Variants in IMPG1 observed in about 807,000 individuals in gnomAD.
The protein encoded by IMPG1 is interphotoreceptor matrix proteoglycan of 150 kDa.
In IMPG1, 85 loss-of-function variants were observed where a neutral mutation model predicts 92.0. The observed-to-expected ratio is 0.92, with a 90% CI of 0.78 to 1.11. IMPG1 has a LOEUF of 1.11. Among genes scored for constraint, IMPG1 ranks in the 50% least tolerant of loss-of-function variants. The pLI, the probability that IMPG1 is intolerant of heterozygous loss-of-function variation, is 0.00. For synonymous variants in IMPG1, 367 were observed against 334.1 expected (o/e 1.10, Z -1.08); for missense variants, 1,022 against 956.0 (o/e 1.07, Z -0.91).
At chr6:76,012,943 C>T (rs554739125) in intron 7 of IMPG1, among the ~76,000 whole-genome samples, 2 of 152,046 alleles carry the variant, frequency 1.3e-5, no homozygotes, top group South Asian at 2.1e-4. Flanking sequence ...TTCCCTCCCA[C>T]CCCCCACATG....
intron 2 of IMPG1, among the ~76,000 whole-genome samples, chr6:76,036,566 C>A (rs149317145): frequency 6.6e-6 from 1 of 151,976 alleles, no homozygotes; most frequent in Non-Finnish European, 1.5e-5. Flanking sequence ...CAAGAAACAA[C>A]GTAATTTTAA....
At chr6:76,047,403 C>A (rs1039626305) in intron 1 of IMPG1, among the ~76,000 whole-genome samples, 1 of 152,222 alleles carries the variant, frequency 6.6e-6, no homozygotes, top group African/African-American at 2.4e-5. Context: ...ATCTCTATGG[C>A]ATTCACTGAT....
At chr6:76,014,989 G>C (rs1783258793) in intron 7 of IMPG1, among the ~76,000 whole-genome samples, 1 of 152,174 alleles carries the variant, frequency 6.6e-6, no homozygotes, top group South Asian at 2.1e-4. Flanking sequence ...TAGTCATGGA[G>C]CACTAACCAC....
intron 2 of IMPG1, among the ~76,000 whole-genome samples, chr6:76,039,091 C>T (rs565723815): frequency 3.9e-5 from 6 of 152,202 alleles, no homozygotes; most frequent in Non-Finnish European, 8.8e-5. Context: ...TTTTCTTATC[C>T]GTACAACGGG....
chr6:75,961,191 A>G lies in IMPG1; in HGVS notation c.1292-10097T>C, dbSNP rs971716017. Among the ~76,000 whole-genome samples, 27 of 152,204 alleles carry G rather than the reference A, an allele frequency of 1.8e-4. 1 individual carries two copies. Among genetic ancestry groups the G allele is most frequent in the African/African-American group, 5.1e-4 (21 of 41,462 alleles). ...TAAATGCTACTAGAAAGGGTCACAT[A>G]TATATGCTGAACCATAAGCATCAAG... On this transcript the variant is annotated intron_variant, in intron 12 of 16. Transcript: ENST00000369950.
intron 12 of IMPG1, among the ~76,000 whole-genome samples, chr6:75,969,265 C>A (rs1047698073): frequency 6.6e-6 from 1 of 151,856 alleles, no homozygotes; most frequent in Non-Finnish European, 1.5e-5. Context: ...TTAATAGCAA[C>A]GTATTGTATT....
At chr6:75,923,069 A>G (rs894745513) in intron 16 of IMPG1, among the ~76,000 whole-genome samples, 10 of 152,118 alleles carry the variant, frequency 6.6e-5, no homozygotes, top group African/African-American at 2.2e-4. Flanking sequence ...TGTCAACTAT[A>G]TATAAATTGC....
At chr6:75,928,836 C>G (rs1469236266) in intron 15 of IMPG1, among the ~76,000 whole-genome samples, 1 of 152,174 alleles carries the variant, frequency 6.6e-6, no homozygotes, top group Non-Finnish European at 1.5e-5. Context: ...TATGGTTGAA[C>G]CTAATATACT....
At chr6:76,031,579 T>C (rs938372440) in intron 4 of IMPG1, among the ~76,000 whole-genome samples, 2 of 152,256 alleles carry the variant, frequency 1.3e-5, no homozygotes, top group African/African-American at 4.8e-5. Flanking sequence ...TGTTATTTTT[T>C]TCTGGTATTA....
In IMPG1 at chr6:75,947,371, C is replaced by G. The variant is rs1176864934; in HGVS notation, c.1987G>C (p.Ala663Pro). Residue 663 changes from alanine (A) to proline (P), a missense_variant, in exon 14 of 17, where the codon GCT (alanine) becomes CCT (proline). Coordinates refer to ENST00000369950, the MANE Select transcript of IMPG1 (RefSeq NM_001563.4). ...TCCAGATGGAGTTGTTGGGCTGCAG[C>G]AGAACGAAAATCCTCCAAGACCCCG... ...VHGVLEDFRS[A>P]AAQQLHLEID... 2 of 1,613,946 alleles carry G rather than the reference C, an allele frequency of 1.2e-6. No homozygotes were observed. Among genetic ancestry groups the G allele is most frequent in the Non-Finnish European group, 1.7e-6 (2 of 1,179,894 alleles).
intron 2 of IMPG1, among the ~76,000 whole-genome samples, chr6:76,038,549 C>CA (rs897362737): frequency 6.6e-6 from 1 of 152,138 alleles, no homozygotes; most frequent in Non-Finnish European, 1.5e-5. Context: ...GGGGAAGTAT[C>CA]AAAAAAACCC....
In IMPG1 at chr6:76,005,368, C is replaced by G; in HGVS notation, c.1054G>C (p.Ala352Pro). The change falls in exon 10 of 17, where the codon GCT becomes CCT. Residue 352 changes from alanine to proline, a missense_variant. Ala to Pro is a conservative substitution (Grantham distance 27). Transcript: ENST00000369950. ...CTGATCAGCCTTTTGAGGTCTGTAG[C>G]TGTGAGATAGATTTCTGGTTGCTTG... is the stretch of plus-strand genomic sequence containing the variant. The part of the protein sequence containing the change: ...EDKQPEIYLT[A>P]TDLKRLISKA... The G allele has an allele frequency of 6.2e-7, 1 of 1,613,998 alleles. No individual in the cohort carries two copies. Among genetic ancestry groups the G allele is most frequent in the African/African-American group, 1.3e-5 (1 of 75,036 alleles).
chr6:75,985,606 T>C (rs1540999), intron 12 of IMPG1, among the ~76,000 whole-genome samples: 9,474 of 152,344 alleles, frequency 0.062, 395 homozygotes, highest in South Asian at 0.11. Flanking sequence ...AAACAAATCC[T>C]TTTGTCATCC....
At chr6:75,982,553 CTATCTATCTATA>C (rs1490217910) in intron 12 of IMPG1, among the ~76,000 whole-genome samples, 7 of 149,256 alleles carry the variant, frequency 4.7e-5, no homozygotes, top group Non-Finnish European at 1.0e-4. Flanking sequence ...ATCTATCTAT[CTATCTATCTATA>C]TATCTATATA....
intron 12 of IMPG1, among the ~76,000 whole-genome samples, chr6:75,972,713 A>G (rs1400322896): frequency 6.6e-6 from 1 of 152,192 alleles, no homozygotes; most frequent in African/African-American, 2.4e-5. Context: ...AACTTTACCA[A>G]ATTATATCTA....
chr6:76,042,247 C>G, intron 1 of IMPG1, 121 bp from the exon 2 acceptor site: 2 of 641,170 alleles, frequency 3.1e-6, no homozygotes, highest in Non-Finnish European at 5.5e-6. Context: ...AAATTTCTAC[C>G]GTGGTGCAAC....
intron 2 of IMPG1, among the ~76,000 whole-genome samples, chr6:76,038,907 T>C (rs1783788144): frequency 6.6e-6 from 1 of 152,262 alleles, no homozygotes; most frequent in African/African-American, 2.4e-5. Context: ...TGCAGACAGT[T>C]ATTCGCAATT....
intron 15 of IMPG1, among the ~76,000 whole-genome samples, chr6:75,929,461 C>A (rs990145188): frequency 6.8e-6 from 1 of 147,466 alleles, no homozygotes; most frequent in East Asian, 2.0e-4. Flanking sequence ...GGACAAAAAA[C>A]CAAACACTGC....
At chr6:76,004,057 G>T in intron 10 of IMPG1, 107 bp from the exon 11 acceptor site, 2 of 738,228 alleles carry the variant, frequency 2.7e-6, no homozygotes, top group Non-Finnish European at 4.5e-6. Flanking sequence ...AATCCTTAAG[G>T]AGTAGTACAA....
Sources: allele counts gnomAD v4.1 joint callset (sites outside exome capture counted in the v4.1 genomes callset), GRCh38; gene constraint gnomAD v4.1.1; transcripts MANE v1.5; gene names NCBI Gene and HGNC (gene_info 2026-07-23, HGNC 2026-07-21).